Variants in AUTS2 observed in about 807,000 individuals in gnomAD.
The protein encoded by AUTS2 is activator of transcription and developmental regulator AUTS2.
In AUTS2, 17 loss-of-function variants were observed where a neutral mutation model predicts 112.4. The ratio of observed to expected loss-of-function variants is 0.15; its 90% CI spans 0.10 to 0.23. The LOEUF (loss-of-function observed/expected upper bound fraction) is 0.23, where lower values mean the gene tolerates loss of function less well. Among genes scored for constraint, AUTS2 ranks in the 10% least tolerant of loss-of-function variants. The pLI is 1.00. For synonymous variants in AUTS2, 751 were observed against 702.7 expected (o/e 1.07, Z -1.09); for missense variants, 1,510 against 1,701.6 (o/e 0.89, Z 1.98).
At chr7:70,081,166 G>C (rs898887085) in intron 2 of AUTS2, among the ~76,000 whole-genome samples, 7 of 152,066 alleles carry the variant, frequency 4.6e-5, no homozygotes, top group Non-Finnish European at 1.0e-4. Context: ...GCGATAATGG[G>C]AGAAATTTGG....
At chr7:70,627,275 A>G (rs775884917) in intron 5 of AUTS2, among the ~76,000 whole-genome samples, 11 of 151,946 alleles carry the variant, frequency 7.2e-5, no homozygotes, top group Non-Finnish European at 1.0e-4. Flanking sequence ...GATGTTGAGC[A>G]TTTTTTCATG....
At chr7:70,643,718 C>T (rs1440939175) in intron 5 of AUTS2, among the ~76,000 whole-genome samples, 1 of 152,164 alleles carries the variant, frequency 6.6e-6, no homozygotes, top group Admixed American at 6.6e-5. Flanking sequence ...AAGAAACAAA[C>T]TTTATTATCA....
intron 1 of AUTS2, among the ~76,000 whole-genome samples, chr7:69,806,215 T>A (rs1410010274): frequency 4.7e-4 from 70 of 148,816 alleles, no homozygotes; most frequent in African/African-American, 1.6e-3. Flanking sequence ...TTTTTTTTTT[T>A]TTTTTTTTTT....
chr7:70,250,673 C>T (rs1786542729), intron 4 of AUTS2, among the ~76,000 whole-genome samples: 2 of 152,194 alleles, frequency 1.3e-5, no homozygotes, highest in African/African-American at 2.4e-5. Context: ...CATCATGGAA[C>T]ACCATGCAGC....
intron 1 of AUTS2, among the ~76,000 whole-genome samples, chr7:69,776,433 A>G (rs1368320937): frequency 6.6e-6 from 1 of 152,084 alleles, no homozygotes; most frequent in Non-Finnish European, 1.5e-5. Context: ...TTTGTTTTTT[A>G]GAGATAGTGT....
chr7:69,632,847 T>C (rs963532588), intron 1 of AUTS2, among the ~76,000 whole-genome samples: 4 of 152,158 alleles, frequency 2.6e-5, no homozygotes, highest in Admixed American at 1.3e-4. Flanking sequence ...GTTATTGCTT[T>C]TATTTATTTT....
rs544762805 is a variant in AUTS2 at position 70,154,541 on chromosome 7, T to A, written c.660+19970T>A. On this transcript the variant is annotated intron_variant, in intron 4 of 18. Coordinates refer to ENST00000342771, the MANE Select transcript of AUTS2 (RefSeq NM_015570.4). ...CAGGGAAACAAGGTTAGTTTTTTTT[T>A]AATTCTTAACTTTTTCTGTTAGACT... Among the ~76,000 whole-genome samples the A allele has an allele frequency of 9.8e-5, 15 of 152,354 alleles. No homozygotes were observed. In the South Asian group the frequency reaches 3.1e-3, roughly 32 times the overall value.
intron 4 of AUTS2, among the ~76,000 whole-genome samples, chr7:70,405,714 A>G (rs751241394): frequency 2.0e-5 from 3 of 152,232 alleles, no homozygotes; most frequent in Non-Finnish European, 4.4e-5. Context: ...ATGGACTAAA[A>G]TCTCTTCTTT....
intron 5 of AUTS2, among the ~76,000 whole-genome samples, chr7:70,508,152 C>CTT (rs34490454): frequency 6.6e-6 from 1 of 151,630 alleles, no homozygotes; most frequent in African/African-American, 2.4e-5. Flanking sequence ...GAGCAGAGGG[C>CTT]TTTTTTTTGT....
intron 6 of AUTS2, among the ~76,000 whole-genome samples, chr7:70,760,535 A>G (rs1402767893): frequency 2.0e-5 from 3 of 152,328 alleles, no homozygotes; most frequent in East Asian, 1.9e-4. Context: ...AATGCCTTTG[A>G]TAATAGCTTG....
chr7:69,756,555 G>T (rs1265734124), intron 1 of AUTS2, among the ~76,000 whole-genome samples: 1 of 151,872 alleles, frequency 6.6e-6, no homozygotes, highest in Non-Finnish European at 1.5e-5. Context: ...CTCCAGGCCA[G>T]ACAACTCCAG....
chr7:70,164,256 A>T (rs1012528649), intron 4 of AUTS2, among the ~76,000 whole-genome samples: 3 of 150,828 alleles, frequency 2.0e-5, no homozygotes, highest in Non-Finnish European at 4.5e-5. Flanking sequence ...TGTAATTGTT[A>T]TAAGATGTAA....
chr7:69,942,971 A>G (rs1425527150), intron 2 of AUTS2, among the ~76,000 whole-genome samples: 1 of 152,204 alleles, frequency 6.6e-6, no homozygotes, highest in Non-Finnish European at 1.5e-5. Flanking sequence ...TTTAAATTCC[A>G]GTCTTTAAAT....
intron 4 of AUTS2, among the ~76,000 whole-genome samples, chr7:70,170,987 A>G (rs1808653808): frequency 6.6e-6 from 1 of 152,114 alleles, no homozygotes; most frequent in South Asian, 2.1e-4. Flanking sequence ...AAAAGTAAAA[A>G]CATAGTCTTT....
At position 70,792,032 on chromosome 7, in the gene AUTS2, A is replaced by G. The variant is rs535957949; in HGVS notation, c.*1036A>G. 3 of 152,612 alleles carry G rather than the reference A, an allele frequency of 2.0e-5. No homozygotes were observed. Among genetic ancestry groups the G allele is most frequent in the Non-Finnish European group, 4.4e-5 (3 of 68,044 alleles). 9.5% of individuals were successfully genotyped at this position (152,612 alleles called of 1,614,324 possible). On this transcript the variant is annotated 3_prime_UTR_variant, in exon 19 of 19. Coordinates refer to ENST00000342771, the MANE Select transcript of AUTS2 (RefSeq NM_015570.4). Reference sequence around the variant, plus strand: ...CCTGTACACACTTCCTCGTTTTGTAATGAGATTTACTTACACCCAAACAGA... The same window carrying G: ...CCTGTACACACTTCCTCGTTTTGTAGTGAGATTTACTTACACCCAAACAGA...
At chr7:70,408,793 G>T (rs544439796) in intron 4 of AUTS2, among the ~76,000 whole-genome samples, 28 of 152,104 alleles carry the variant, frequency 1.8e-4, no homozygotes, top group Non-Finnish European at 3.5e-4. Flanking sequence ...ACCTTGCTGT[G>T]GGCTTCCTTT....
intron 5 of AUTS2, among the ~76,000 whole-genome samples, chr7:70,620,912 TG>T (rs1253884536): frequency 6.6e-6 from 1 of 152,118 alleles, no homozygotes; most frequent in Non-Finnish European, 1.5e-5. Flanking sequence ...AAAGAGTTGT[TG>T]CAGGAAAGAG....
In AUTS2 at chr7:70,790,827, A is replaced by T; in HGVS notation, c.3611A>T (p.Gln1204Leu). 1 of 1,606,228 alleles carries T rather than the reference A, an allele frequency of 6.2e-7. No homozygotes were observed. The highest frequency in any genetic ancestry group is 8.5e-7 in the Non-Finnish European group (1 of 1,175,554). ...YPRISPTAGN[Q>L]NGLLNKTPPT... ...CGCATCAGCCCCACCGCGGGCAACCAGAACGGACTCCTCAACAAGACCCCT... is the reference window on the plus strand; with the variant it reads ...CGCATCAGCCCCACCGCGGGCAACCTGAACGGACTCCTCAACAAGACCCCT... Residue 1204 changes from glutamine (Q) to leucine (L), a missense_variant, in exon 19 of 19, where the codon CAG (glutamine) becomes CTG (leucine). This residue lies in a region of AUTS2 where 788 missense variants were observed against 797.6 expected (regional missense o/e 0.99). Coordinates refer to ENST00000342771, the MANE Select transcript of AUTS2 (RefSeq NM_015570.4). This position sits in a 1 kb window ranked among gnomAD's most constrained non-coding sequence, Gnocchi z 7.6.
At chr7:70,377,355 T>TATATATATATATATATATATAGTG (rs1793151027) in intron 4 of AUTS2, among the ~76,000 whole-genome samples, 1 of 116,346 alleles carries the variant, frequency 8.6e-6, no homozygotes, top group Non-Finnish European at 1.7e-5. Flanking sequence ...TATATATATA[T>TATATATATATATATATATATAGTG]ATATATATAT....
Sources: allele counts gnomAD v4.1 joint callset (sites outside exome capture counted in the v4.1 genomes callset), GRCh38; gene constraint gnomAD v4.1.1; regional missense constraint gnomAD v4.1.1; non-coding constraint Gnocchi (gnomAD v3.1); transcripts MANE v1.5; gene names NCBI Gene and HGNC (gene_info 2026-07-23, HGNC 2026-07-21).